Variants in COL25A1 observed in about 807,000 individuals in gnomAD.
COL25A1 encodes collagen type XXV alpha 1 chain.
A neutral mutation model predicts 128.4 loss-of-function variants in COL25A1; 103 were observed. The observed-to-expected ratio is 0.80, with a 90% CI of 0.68 to 0.94. COL25A1 has a LOEUF of 0.94. Among genes scored for constraint, COL25A1 ranks in the 40% least tolerant of loss-of-function variants. The pLI is 0.00. For missense variants in COL25A1, 745 were observed against 840.0 expected (o/e 0.89, Z 1.40); for synonymous variants, 279 against 277.2 (o/e 1.01, Z -0.06).
chr4:109,059,305 G>A (rs776513081), intron 3 of COL25A1, among the ~76,000 whole-genome samples: 3 of 152,288 alleles, frequency 2.0e-5, no homozygotes, highest in Admixed American at 6.5e-5. Context: ...GTAGTAAATG[G>A]TGGGTTAGGG....
intron 5 of COL25A1, among the ~76,000 whole-genome samples, chr4:109,017,703 T>G (rs1007839801): frequency 1.2e-4 from 19 of 152,222 alleles, no homozygotes; most frequent in African/African-American, 4.6e-4. Flanking sequence ...AAATATTGAT[T>G]AGGATAACAG....
intron 5 of COL25A1, among the ~76,000 whole-genome samples, chr4:109,024,565 G>A (rs766760852): frequency 2.0e-5 from 3 of 151,860 alleles, no homozygotes; most frequent in Non-Finnish European, 4.4e-5. Context: ...GGTTCCCTAC[G>A]GATGATAGGA....
chr4:109,067,674 C>T (rs1320888705), intron 3 of COL25A1, among the ~76,000 whole-genome samples: 1 of 152,154 alleles, frequency 6.6e-6, no homozygotes, highest in Non-Finnish European at 1.5e-5. Flanking sequence ...AGTTTATGTA[C>T]TAAGTTTAGG....
At chr4:108,923,859 T>G (rs542473003) in intron 11 of COL25A1, among the ~76,000 whole-genome samples, 41 of 152,174 alleles carry the variant, frequency 2.7e-4, no homozygotes, top group Non-Finnish European at 5.1e-4. Flanking sequence ...CAACCTAGAG[T>G]CATCATCTTT....
intron 16 of COL25A1, among the ~76,000 whole-genome samples, chr4:108,891,301 A>G (rs1741467083): frequency 6.6e-6 from 1 of 152,326 alleles, no homozygotes; most frequent in Middle Eastern, 3.4e-3. Context: ...TATAATTGCT[A>G]TTCCTCCTGT....
At chr4:109,287,396 A>C (rs1578643600) in intron 3 of COL25A1, among the ~76,000 whole-genome samples, 1 of 152,274 alleles carries the variant, frequency 6.6e-6, no homozygotes, top group Non-Finnish European at 1.5e-5. Flanking sequence ...GAATAAAAAA[A>C]ATTTTTAAAG....
At position 108,852,240 on chromosome 4, in the gene COL25A1, G is replaced by A; in HGVS notation, c.1385C>T (p.Pro462Leu). ...AACAAGTAAATAAAGAATAACCTTTGGCCCTTGTAGTCCTTGAGGTCCAGG... is the reference window on the plus strand; with the variant it reads ...AACAAGTAAATAAAGAATAACCTTTAGCCCTTGTAGTCCTTGAGGTCCAGG... The part of the protein sequence containing the change: ...GPPGPQGLQG[P>L]KGEQGSPGIP... The change falls in exon 26 of 38, where the codon CCA becomes CTA. Residue 462 changes from proline to leucine, a missense_variant. Pro to Leu is a moderately conservative substitution (Grantham distance 98, BLOSUM62 -3). Around this residue, in one of 3 missense-constraint regions of COL25A1, gnomAD observed 387 missense variants for 441.9 expected, o/e 0.88. Transcript: ENST00000399132. The A allele has an allele frequency of 6.2e-7, 1 of 1,605,376 alleles. No homozygotes were observed. The highest frequency in any genetic ancestry group is 8.5e-7 in the Non-Finnish European group (1 of 1,176,040).
At position 108,817,390 on chromosome 4, in the gene COL25A1, A is replaced by G. The variant is rs1731341742; in HGVS notation, c.1962+7T>C. 6.2e-7 allele frequency: 1 copy of G among 1,613,220 alleles called. No individual in the cohort carries two copies. The highest frequency in any genetic ancestry group is 8.5e-7 in the Non-Finnish European group (1 of 1,179,302). ...CTTCTTTTGAGAAATTATTCAGTAA[A>G]GCCTACCTTTTGCCAACAGCCAGGC... is the stretch of plus-strand genomic sequence containing the variant. On this transcript the variant is annotated splice_region_variant and intron_variant, in intron 37 of 37. Coordinates refer to ENST00000399132, the MANE Select transcript of COL25A1 (RefSeq NM_198721.4).
chr4:108,953,816 A>G (rs895603333), intron 8 of COL25A1, among the ~76,000 whole-genome samples: 1 of 152,172 alleles, frequency 6.6e-6, no homozygotes. Flanking sequence ...TTTTCTCACA[A>G]ATCACCAGTT....
chr4:108,999,449 T>TAA (rs548147245), intron 6 of COL25A1, among the ~76,000 whole-genome samples: 150 of 152,166 alleles, frequency 9.9e-4, no homozygotes, highest in African/African-American at 3.3e-3. Flanking sequence ...TGGCAATAAT[T>TAA]AAAAAGTCAG....
intron 3 of COL25A1, among the ~76,000 whole-genome samples, chr4:109,182,220 G>A (rs1774720542): frequency 6.6e-6 from 1 of 152,100 alleles, no homozygotes; most frequent in Non-Finnish European, 1.5e-5. Context: ...ACTCAGCAGT[G>A]GGATTGCTGA....
intron 6 of COL25A1, among the ~76,000 whole-genome samples, chr4:108,980,429 G>A (rs1269906144): frequency 6.6e-6 from 1 of 152,220 alleles, no homozygotes; most frequent in Non-Finnish European, 1.5e-5. Context: ...TAGTGTATTT[G>A]CAGACAAGCT....
At chr4:108,890,562 A>C (rs2125846322) in intron 16 of COL25A1, among the ~76,000 whole-genome samples, 1 of 152,356 alleles carries the variant, frequency 6.6e-6, no homozygotes, top group East Asian at 1.9e-4. Flanking sequence ...TATTTCTGAA[A>C]TGAAGTCAGC....
chr4:109,217,596 A>C lies in COL25A1; in HGVS notation c.367+82987T>G, dbSNP rs185812757. ...ACCTTGGTTACAGGTAGGCGCTGAC[A>C]AGCCAGATATCTAGTTAAAATCATT... On this transcript the variant is annotated intron_variant, in intron 3 of 37. Transcript: ENST00000399132. Among the ~76,000 whole-genome samples, 5 of 152,288 alleles carry C rather than the reference A, an allele frequency of 3.3e-5. No homozygotes were observed. The East Asian group carries it at 9.6e-4, about 29-fold the overall frequency.
rs148936145 is a variant in COL25A1 at position 108,970,244 on chromosome 4, T to C, written c.492+4123A>G. Among the ~76,000 whole-genome samples the C allele has an allele frequency of 5.0e-3, 758 of 152,254 alleles. 5 individuals carry two copies. The highest frequency in any genetic ancestry group is 8.1e-3 in the South Asian group (39 of 4,820). On this transcript the variant is annotated intron_variant, in intron 8 of 37. Transcript: ENST00000399132. ...AAGAACATTTGGTAATAAGCACAGATAGTCTCAAAATAAGATAAGCACAGA... is the reference window on the plus strand; with the variant it reads ...AAGAACATTTGGTAATAAGCACAGACAGTCTCAAAATAAGATAAGCACAGA...
At chr4:108,960,702 A>C (rs1175961725) in intron 8 of COL25A1, among the ~76,000 whole-genome samples, 1 of 152,190 alleles carries the variant, frequency 6.6e-6, no homozygotes, top group Non-Finnish European at 1.5e-5. Context: ...AAATAGAAAG[A>C]AAAGATATAT....
chr4:109,113,279 C>T (rs1428605651), intron 3 of COL25A1, among the ~76,000 whole-genome samples: 1 of 152,068 alleles, frequency 6.6e-6, no homozygotes, highest in African/African-American at 2.4e-5. Context: ...AGATTTGTCA[C>T]CAATGTGCAA....
intron 3 of COL25A1, among the ~76,000 whole-genome samples, chr4:109,174,301 CA>C (rs763640156): frequency 3.2e-4 from 49 of 152,192 alleles, no homozygotes; most frequent in Admixed American, 9.8e-4. Context: ...AGGAGGGCCT[CA>C]AATGGCCAAA....
intron 10 of COL25A1, among the ~76,000 whole-genome samples, chr4:108,938,350 T>C (rs1303210846): frequency 6.6e-6 from 1 of 152,222 alleles, no homozygotes; most frequent in South Asian, 2.1e-4. Flanking sequence ...AAAATATTTT[T>C]GTCTTAAATT....
Sources: allele counts gnomAD v4.1 joint callset (sites outside exome capture counted in the v4.1 genomes callset), GRCh38; gene constraint gnomAD v4.1.1; regional missense constraint gnomAD v4.1.1; transcripts MANE v1.5; gene names NCBI Gene and HGNC (gene_info 2026-07-23, HGNC 2026-07-21).